MLLT10: variants seen among roughly 807,000 people sequenced by gnomAD.
The protein encoded by MLLT10 is MLLT10 histone lysine methyltransferase DOT1L cofactor.
MLLT10 carries 30 observed loss-of-function variants against 129.1 expected under a neutral mutation model. The ratio of observed to expected loss-of-function variants is 0.23; its 90% CI spans 0.17 to 0.32. The LOEUF (loss-of-function observed/expected upper bound fraction) is 0.32, where lower values mean the gene tolerates loss of function less well. Among genes scored for constraint, MLLT10 ranks in the 10% least tolerant of loss-of-function variants. The probability of loss-of-function intolerance (pLI) is 1.00; values close to 1 mark genes in which losing one functional copy is unlikely to be tolerated. For synonymous variants in MLLT10, 490 were observed against 446.4 expected (o/e 1.10, Z -1.23); for missense variants, 1,119 against 1,268.3 (o/e 0.88, Z 1.79).
At chr10:21,722,859 C>T (rs2057230020) in intron 14 of MLLT10, among the ~76,000 whole-genome samples, 1 of 152,070 alleles carries the variant, frequency 6.6e-6, no homozygotes, top group African/African-American at 2.4e-5. Context: ...CTCATCTTAC[C>T]AACCTTAAAA....
intron 11 of MLLT10, among the ~76,000 whole-genome samples, chr10:21,681,030 T>G (rs956482182): frequency 1.3e-5 from 2 of 152,192 alleles, no homozygotes; most frequent in African/African-American, 4.8e-5. Flanking sequence ...AATGAAGCCT[T>G]TTATTCTCAG....
At chr10:21,535,182 G>A (rs1049208691) in intron 2 of MLLT10, among the ~76,000 whole-genome samples, 4 of 151,742 alleles carry the variant, frequency 2.6e-5, no homozygotes, top group Admixed American at 2.6e-4. Context: ...GGGCCACGGG[G>A]GTGGGTTTGG....
chr10:21,596,626 C>CT (rs1449250242), intron 5 of MLLT10, among the ~76,000 whole-genome samples: 1 of 148,422 alleles, frequency 6.7e-6, no homozygotes, highest in East Asian at 1.9e-4. Context: ...CTTTGCTATT[C>CT]TTTCTAGTAA....
intron 11 of MLLT10, among the ~76,000 whole-genome samples, chr10:21,676,929 G>T (rs1362559012): frequency 6.6e-6 from 1 of 152,020 alleles, no homozygotes; most frequent in Non-Finnish European, 1.5e-5. Context: ...AAGAGGCTTG[G>T]CTTCATGTGC....
At position 21,743,391 on chromosome 10, in the gene MLLT10, T is replaced by C. The variant is rs975882662; in HGVS notation, c.*1408T>C. 9.2e-5 allele frequency: 19 copies of C among 206,280 alleles called. No individual in the cohort carries two copies. 12.8% of individuals were successfully genotyped at this position (206,280 alleles called of 1,614,324 possible). On this transcript the variant is annotated 3_prime_UTR_variant, in exon 23 of 23. Coordinates refer to ENST00000307729, the MANE Select transcript of MLLT10 (RefSeq NM_001195626.3). The stretch of plus-strand genomic sequence containing the variant: ...TAATATTTCTAATTGGTAGATTTAA[T>C]TGAAAAGTAAAATTAATTTATTTTT...
At chr10:21,629,086 A>T (rs768298811) in intron 8 of MLLT10, among the ~76,000 whole-genome samples, 2 of 149,450 alleles carry the variant, frequency 1.3e-5, no homozygotes, top group South Asian at 4.2e-4. Flanking sequence ...CATGGTTGAC[A>T]GTTTGGTGGC....
intron 3 of MLLT10, among the ~76,000 whole-genome samples, chr10:21,571,157 G>T (rs1220933829): frequency 1.3e-5 from 2 of 152,104 alleles, no homozygotes; most frequent in Non-Finnish European, 2.9e-5. Flanking sequence ...GGACTTTTGG[G>T]TATGGGTACT....
intron 8 of MLLT10, chr10:21,625,600 A>G: frequency 1.3e-6 from 1 of 757,692 alleles, no homozygotes; most frequent in Non-Finnish European, 2.5e-6. Context: ...TTTTGTCATC[A>G]GGTTGATCAT....
intron 8 of MLLT10, among the ~76,000 whole-genome samples, chr10:21,649,162 A>G (rs180805897): frequency 1.1e-3 from 170 of 152,246 alleles, no homozygotes; most frequent in Non-Finnish European, 2.1e-3. Context: ...TGCAGCCTCA[A>G]CCTTCCAGGC....
intron 15 of MLLT10, 56 bp from the exon 16 acceptor site, chr10:21,727,800 A>C: frequency 7.2e-7 from 1 of 1,394,558 alleles, no homozygotes; most frequent in Non-Finnish European, 1.0e-6. Context: ...GCAAGAGTTT[A>C]AAACCTCTTA....
chr10:21,543,714 G>A (rs1031315592), intron 3 of MLLT10, among the ~76,000 whole-genome samples: 4 of 151,932 alleles, frequency 2.6e-5, no homozygotes, highest in South Asian at 2.1e-4. Context: ...GCTGACCTCC[G>A]GTGATCTGCC....
rs191864124 is a variant in MLLT10 at position 21,727,518 on chromosome 10, C to T, written c.1991-338C>T. 1.8e-3 allele frequency among the ~76,000 whole-genome samples: 279 copies of T among 152,260 alleles called. 2 individuals are homozygous for T. Among genetic ancestry groups the T allele is most frequent in the Non-Finnish European group, 1.2e-3 (82 of 68,026 alleles). On this transcript the variant is annotated intron_variant, in intron 15 of 22. Coordinates refer to ENST00000307729, the MANE Select transcript of MLLT10 (RefSeq NM_001195626.3). ...GATAAGCATACAGATTAGCTGTCCA[C>T]AGCTGTGATTCATTACTTTAACCGT...
intron 22 of MLLT10, among the ~76,000 whole-genome samples, chr10:21,741,469 C>T (rs1280743397): frequency 6.6e-6 from 1 of 152,144 alleles, no homozygotes; most frequent in Admixed American, 6.5e-5. Flanking sequence ...GCCAGGTGTC[C>T]TTGCAAGATA....
At chr10:21,653,307 A>T (rs1397109555) in intron 9 of MLLT10, among the ~76,000 whole-genome samples, 1 of 152,094 alleles carries the variant, frequency 6.6e-6, no homozygotes, top group Non-Finnish European at 1.5e-5. Context: ...TGGTCAGGTT[A>T]TTGGCAAAAT....
intron 3 of MLLT10, among the ~76,000 whole-genome samples, chr10:21,550,645 C>T (rs577145026): frequency 6.6e-6 from 1 of 152,128 alleles, no homozygotes; most frequent in South Asian, 2.1e-4. Context: ...GATTCACCTT[C>T]CTTAGCCTTA....
intron 9 of MLLT10, among the ~76,000 whole-genome samples, chr10:21,655,605 G>T (rs1022652445): frequency 2.6e-5 from 4 of 152,092 alleles, no homozygotes; most frequent in Admixed American, 6.6e-5. Context: ...TGACTAGAGG[G>T]CCTGTAGTTT....
chr10:21,691,938 G>A (rs1391236035), intron 13 of MLLT10, among the ~76,000 whole-genome samples: 3 of 146,694 alleles, frequency 2.0e-5, no homozygotes, highest in Non-Finnish European at 4.5e-5. Context: ...GCTGAGGCAG[G>A]CAGATCACTT....
chr10:21,665,190 C>T (rs943167509), intron 9 of MLLT10, among the ~76,000 whole-genome samples: 10 of 151,728 alleles, frequency 6.6e-5, no homozygotes, highest in Admixed American at 6.6e-4. Context: ...AAGTGATCCA[C>T]CTGTGTCGGC....
intron 13 of MLLT10, among the ~76,000 whole-genome samples, chr10:21,684,129 G>A (rs1564642000): frequency 6.6e-6 from 1 of 151,942 alleles, no homozygotes; most frequent in Non-Finnish European, 1.5e-5. Context: ...TTCCACCTCA[G>A]TCCCCTGAGT....
Sources: gnomAD v4.1 joint callset for allele counts (sites outside exome capture counted in the v4.1 genomes callset) on GRCh38, gnomAD v4.1.1 for gene constraint, MANE v1.5 for transcripts, NCBI Gene and HGNC (gene_info 2026-07-23, HGNC 2026-07-21) for gene names.